NYAP2: variants seen among roughly 807,000 people sequenced by gnomAD.
The protein encoded by NYAP2 is neuronal tyrosine-phosphorylated phosphoinositide-3-kinase adaptor 2.
In NYAP2, 23 loss-of-function variants were observed where a neutral mutation model predicts 50.4. The ratio of observed to expected loss-of-function variants is 0.46; its 90% CI spans 0.33 to 0.65. The LOEUF is 0.65. Among genes scored for constraint, NYAP2 ranks in the 30% least tolerant of loss-of-function variants. NYAP2 has a pLI of 0.02. For missense variants in NYAP2, 885 were observed against 861.0 expected (o/e 1.03, Z -0.35); for synonymous variants, 394 against 365.2 (o/e 1.08, Z -0.90).
chr2:225,638,637 C>T (rs1238372741), intron 6 of NYAP2, among the ~76,000 whole-genome samples: 1 of 152,118 alleles, frequency 6.6e-6, no homozygotes, highest in Non-Finnish European at 1.5e-5. Context: ...CATGATGTCT[C>T]CAGGTGAGAG....
chr2:225,694,382 A>C, the NYAP2 span, among the ~76,000 whole-genome samples: 1 of 151,816 alleles, frequency 6.6e-6, no homozygotes, highest in Non-Finnish European at 1.5e-5. Flanking sequence ...TTTTATGGGT[A>C]GTATTTTTAA....
chr2:225,452,066 A>G (rs150330217), intron 3 of NYAP2, among the ~76,000 whole-genome samples: 4 of 152,184 alleles, frequency 2.6e-5, no homozygotes, highest in African/African-American at 9.7e-5. Flanking sequence ...CTTAACACCA[A>G]TTACCAGGAA....
intron 3 of NYAP2, among the ~76,000 whole-genome samples, chr2:225,438,693 C>G (rs552054670): frequency 6.6e-6 from 1 of 152,190 alleles, no homozygotes; most frequent in Non-Finnish European, 1.5e-5. Context: ...GTTCATTCAT[C>G]TACTCATTTA....
At chr2:225,476,122 A>G (rs1300675668) in intron 3 of NYAP2, among the ~76,000 whole-genome samples, 1 of 152,222 alleles carries the variant, frequency 6.6e-6, no homozygotes, top group Non-Finnish European at 1.5e-5. Flanking sequence ...AGTCTAAAAA[A>G]ATTTTTACTG....
upstream of NYAP2, among the ~76,000 whole-genome samples, chr2:225,398,877 G>T (rs746790554): frequency 1.7e-4 from 26 of 152,020 alleles, no homozygotes; most frequent in Non-Finnish European, 3.1e-4. Context: ...TTATAGTAAT[G>T]TAATGTGTTG....
intron 3 of NYAP2, among the ~76,000 whole-genome samples, chr2:225,487,484 C>T (rs540611962): frequency 3.3e-5 from 5 of 151,976 alleles, no homozygotes; most frequent in African/African-American, 4.8e-5. Context: ...CTCAGCCTTG[C>T]GAGTAACTTG....
At chr2:225,666,380 G>A in the NYAP2 span, among the ~76,000 whole-genome samples, 2 of 152,208 alleles carry the variant, frequency 1.3e-5, no homozygotes, top group Non-Finnish European at 2.9e-5. Context: ...ACCATGACCT[G>A]TGACACAGCC....
chr2:225,435,146 TCTC>T (rs1371336039), intron 3 of NYAP2, among the ~76,000 whole-genome samples: 4 of 152,190 alleles, frequency 2.6e-5, no homozygotes, highest in African/African-American at 2.4e-5. Flanking sequence ...CGGTGACACT[TCTC>T]CTCTGAATTT....
intron 4 of NYAP2, among the ~76,000 whole-genome samples, chr2:225,578,083 T>C (rs1816335): frequency 0.95 from 144,904 of 152,040 alleles, 69,151 homozygotes; most frequent in Middle Eastern, 0.99. Flanking sequence ...TAAGTATGCA[T>C]CACCACGCCT....
chr2:225,410,597 A>C (rs926657801), intron 3 of NYAP2, among the ~76,000 whole-genome samples: 1 of 151,984 alleles, frequency 6.6e-6, no homozygotes, highest in Non-Finnish European at 1.5e-5. Flanking sequence ...TGGCATTAAA[A>C]CTCAATAATA....
At chr2:225,647,329 T>C (rs1178643925) in intron 6 of NYAP2, among the ~76,000 whole-genome samples, 1 of 152,198 alleles carries the variant, frequency 6.6e-6, no homozygotes, top group Non-Finnish European at 1.5e-5. Context: ...TTAGGCATCC[T>C]GGGAAATGAG....
At chr2:225,468,676 A>G (rs1209569554) in intron 3 of NYAP2, among the ~76,000 whole-genome samples, 2 of 152,222 alleles carry the variant, frequency 1.3e-5, no homozygotes, top group African/African-American at 2.4e-5. Flanking sequence ...AAATTAACCT[A>G]CAGCAATACA....
intron 6 of NYAP2, 25 bp from the exon 7 acceptor site, chr2:225,651,407 T>A: frequency 6.2e-7 from 1 of 1,613,840 alleles, no homozygotes; most frequent in Non-Finnish European, 8.5e-7. Flanking sequence ...CAGCTAATAT[T>A]GTGTCTTTTT....
chr2:225,513,942 C>T (rs1574652945), intron 4 of NYAP2, among the ~76,000 whole-genome samples: 1 of 152,030 alleles, frequency 6.6e-6, no homozygotes, highest in Non-Finnish European at 1.5e-5. Context: ...TTATTCTGCC[C>T]AGAAATATAT....
rs553671604 is a variant in NYAP2 at position 225,574,883 on chromosome 2, C to G, written c.524-7058C>G. 2.6e-5 allele frequency among the ~76,000 whole-genome samples: 4 copies of G among 152,248 alleles called. No individual in the cohort carries two copies. The South Asian group carries it at 8.3e-4, about 32-fold the overall frequency. On this transcript the variant is annotated intron_variant, in intron 4 of 6. Transcript: ENST00000636099. ...TTTTTACAAGTCCACATTTTACTGGCGGAGTTCTGAATTTGACCTTTGCTC... is the reference window on the plus strand; with the variant it reads ...TTTTTACAAGTCCACATTTTACTGGGGGAGTTCTGAATTTGACCTTTGCTC...
chr2:225,593,768 T>C (rs1692552564), intron 5 of NYAP2, among the ~76,000 whole-genome samples: 1 of 152,218 alleles, frequency 6.6e-6, no homozygotes, highest in Admixed American at 6.5e-5. Context: ...GTTGAATTAA[T>C]AGGCACACTT....
chr2:225,446,076 G>C (rs1262688680), intron 3 of NYAP2, among the ~76,000 whole-genome samples: 1 of 151,650 alleles, frequency 6.6e-6, no homozygotes, highest in African/African-American at 2.4e-5. Flanking sequence ...AGCTACTCTG[G>C]AGGCTAAGGC....
At chr2:225,661,724 CTCTTT>C in the NYAP2 span, among the ~76,000 whole-genome samples, 1 of 96,830 alleles carries the variant, frequency 1.0e-5, no homozygotes, top group Admixed American at 1.4e-4. Context: ...AATTTGCTCT[CTCTTT>C]TTTTTTTTTT....
At chr2:225,680,332 TA>T in the NYAP2 span, among the ~76,000 whole-genome samples, 8 of 152,268 alleles carry the variant, frequency 5.3e-5, no homozygotes, top group East Asian at 1.5e-3. Context: ...CAATAAAGCC[TA>T]AGAGTATGTA....
Sources: gnomAD v4.1 joint callset for allele counts (sites outside exome capture counted in the v4.1 genomes callset) on GRCh38, gnomAD v4.1.1 for gene constraint, MANE v1.5 for transcripts, NCBI Gene and HGNC (gene_info 2026-07-23, HGNC 2026-07-21) for gene names.